CSPP1: variants seen among roughly 807,000 people sequenced by gnomAD.
CSPP1 encodes centrosome and spindle pole-associated protein 1.
In CSPP1, 126 loss-of-function variants were observed where a neutral mutation model predicts 164.4. That is an observed-to-expected ratio of 0.77 (90% CI 0.66 to 0.89). The LOEUF (loss-of-function observed/expected upper bound fraction) is 0.89. Among genes scored for constraint, CSPP1 ranks in the 40% least tolerant of loss-of-function variants. CSPP1 has a pLI of 0.00. For synonymous variants in CSPP1, 472 were observed against 476.7 expected (o/e 0.99, Z 0.13); for missense variants, 1,395 against 1,449.8 (o/e 0.96, Z 0.61).
At chr8:67,126,079 G>A (rs371439446) in intron 15 of CSPP1, among the ~76,000 whole-genome samples, 16 of 152,244 alleles carry the variant, frequency 1.1e-4, no homozygotes, top group South Asian at 1.0e-3. Flanking sequence ...TGATCTGCCC[G>A]CCTCGGCCTC....
intron 3 of CSPP1, chr8:67,081,241 G>C (rs561242242): frequency 7.5e-6 from 1 of 132,480 alleles, no homozygotes; most frequent in Non-Finnish European, 1.5e-5. Context: ...TACGTTGTTC[G>C]TGTAAACTAT....
intron 9 of CSPP1, among the ~76,000 whole-genome samples, chr8:67,107,036 T>G (rs777078821): frequency 1.3e-5 from 2 of 151,916 alleles, no homozygotes; most frequent in Non-Finnish European, 2.9e-5. Flanking sequence ...ATGGCTATAT[T>G]CTTATGTTTT....
chr8:67,095,967 C>G (rs1040794123), intron 7 of CSPP1, among the ~76,000 whole-genome samples: 1 of 151,972 alleles, frequency 6.6e-6, no homozygotes, highest in African/African-American at 2.4e-5. Flanking sequence ...AAGGCTACAC[C>G]CTTTATGTAA....
chr8:67,191,679 T>C (rs1355859973), intron 29 of CSPP1, among the ~76,000 whole-genome samples: 1 of 152,236 alleles, frequency 6.6e-6, no homozygotes, highest in East Asian at 1.9e-4. Flanking sequence ...CAATAGATAT[T>C]TGGGTTGTTT....
intron 24 of CSPP1, among the ~76,000 whole-genome samples, chr8:67,168,819 C>T (rs1366143414): frequency 6.6e-6 from 1 of 152,174 alleles, no homozygotes; most frequent in Non-Finnish European, 1.5e-5. Context: ...GATTTAGTAA[C>T]CTACTTCCTA....
Position 67,158,500 on chromosome 8 carries a change from A to C in CSPP1, c.2295A>C (p.Ala765=), listed in dbSNP as rs1421010463. ...CAGAGCGAGAGAGACTGAGAATTGC[A>C]GAAGAAAAAGAAGAAAGACGGCTTG... ...EEAERERLRI[A]EEKEERRLAE... is the part of the protein sequence containing the mutation. Residue 765 remains alanine (A), a synonymous_variant, in exon 20 of 31, where the codon GCA becomes GCC. Transcript: ENST00000678616. The C allele has an allele frequency of 6.2e-7, 1 of 1,613,058 alleles. No individual in the cohort carries two copies. The highest frequency in any genetic ancestry group is 8.5e-7 in the Non-Finnish European group (1 of 1,179,422).
At chr8:67,125,092 A>T (rs1432890386) in intron 15 of CSPP1, among the ~76,000 whole-genome samples, 1 of 152,154 alleles carries the variant, frequency 6.6e-6, no homozygotes, top group Non-Finnish European at 1.5e-5. Context: ...GTTTGTGCTT[A>T]CTTCAGTTGC....
intron 21 of CSPP1, among the ~76,000 whole-genome samples, chr8:67,160,573 T>C (rs1828145797): frequency 6.6e-6 from 1 of 152,054 alleles, no homozygotes; most frequent in African/African-American, 2.4e-5. Context: ...TATATACTTT[T>C]ATGATATTAT....
At chr8:67,134,534 A>C (rs1027759898) in intron 16 of CSPP1, 1 of 144,518 alleles carries the variant, frequency 6.9e-6, no homozygotes, top group Non-Finnish European at 1.5e-5. Context: ...GCACAGGTAG[A>C]GTAGATTTAG....
intron 28 of CSPP1, among the ~76,000 whole-genome samples, chr8:67,180,778 C>T (rs2129570991): frequency 6.6e-6 from 1 of 152,034 alleles, no homozygotes; most frequent in Non-Finnish European, 1.5e-5. Context: ...ATTTATAGTT[C>T]TCTTAATATT....
intron 1 of CSPP1, chr8:67,069,228 C>G (rs1806206912): frequency 6.6e-6 from 1 of 152,152 alleles, no homozygotes; most frequent in South Asian, 2.1e-4. Flanking sequence ...CAGGAGAAAG[C>G]TCATTAGTGT....
intron 16 of CSPP1, among the ~76,000 whole-genome samples, chr8:67,133,146 T>C (rs778342058): frequency 1.3e-5 from 2 of 152,218 alleles, no homozygotes; most frequent in African/African-American, 2.4e-5. Context: ...GTCTATTTGA[T>C]GTGTGTGATG....
At chr8:67,066,440 G>A (rs1042659071) in intron 1 of CSPP1, among the ~76,000 whole-genome samples, 1 of 148,594 alleles carries the variant, frequency 6.7e-6, no homozygotes. Flanking sequence ...TCCCCCCACC[G>A]CACATGTTAT....
intron 15 of CSPP1, among the ~76,000 whole-genome samples, chr8:67,128,027 A>G (rs760343937): frequency 2.6e-5 from 4 of 152,140 alleles, no homozygotes; most frequent in Non-Finnish European, 4.4e-5. Context: ...TAATCTTTGT[A>G]TCATTTGAGA....
At chr8:67,195,238 C>CCAAAA (rs1837658255) in intron 30 of CSPP1, 144 bp from the exon 31 acceptor site, 1 of 701,904 alleles carries the variant, frequency 1.4e-6, no homozygotes, top group South Asian at 1.7e-5. Flanking sequence ...GTGAGTCTAA[C>CCAAAA]CAAAACAAAC....
chr8:67,191,305 T>C (rs1010966868), intron 29 of CSPP1, among the ~76,000 whole-genome samples: 2 of 152,228 alleles, frequency 1.3e-5, no homozygotes, highest in African/African-American at 4.8e-5. Flanking sequence ...AAACTCTGTG[T>C]GTGTTTCCTT....
At chr8:67,100,445 AAACTT>A (rs1323280296) in intron 7 of CSPP1, among the ~76,000 whole-genome samples, 1 of 152,168 alleles carries the variant, frequency 6.6e-6, no homozygotes, top group Non-Finnish European at 1.5e-5. Context: ...TATCTTCAGA[AAACTT>A]AACTAATAAT....
intron 7 of CSPP1, among the ~76,000 whole-genome samples, chr8:67,096,913 G>T (rs1438518193): frequency 6.6e-6 from 1 of 152,058 alleles, no homozygotes; most frequent in African/African-American, 2.4e-5. Flanking sequence ...GTGAAAAAAG[G>T]ATACCTTAAA....
At chr8:67,159,912 CTTTCTTTCTTTCCTTTCCTTCCTTCCTT>C (rs1827670332) in intron 21 of CSPP1, among the ~76,000 whole-genome samples, 1 of 61,012 alleles carries the variant, frequency 1.6e-5, no homozygotes, top group African/African-American at 7.4e-5. Flanking sequence ...TTCTTTCTTT[CTTTCTTTCTTTCCTTTCCTTCCTTCCTT>C]CCTTCCTTCC....
Sources: gnomAD v4.1 joint callset for allele counts (sites outside exome capture counted in the v4.1 genomes callset) on GRCh38, gnomAD v4.1.1 for gene constraint, MANE v1.5 for transcripts, NCBI Gene and HGNC (gene_info 2026-07-23, HGNC 2026-07-21) for gene names.